TSHZ2: variants seen among roughly 807,000 people sequenced by gnomAD.
TSHZ2 encodes the protein teashirt homolog 2.
In TSHZ2, 21 loss-of-function variants were observed where a neutral mutation model predicts 74.4. That is an observed-to-expected ratio of 0.28 (90% CI 0.20 to 0.41). TSHZ2 has a LOEUF of 0.41. Ranked by LOEUF, TSHZ2 falls within the 10% of genes least tolerant of loss-of-function variation. The pLI is 1.00. For missense variants in TSHZ2, 1,244 were observed against 1,293.5 expected, an observed-to-expected ratio of 0.96 and a Z score of 0.59; for synonymous variants, 540 against 515.3, an observed-to-expected ratio of 1.05 and a Z score of -0.65.
At position 53,255,804 on chromosome 20, in the gene TSHZ2, T is replaced by C. The variant is rs1409015191; in HGVS notation, c.2346T>C (p.Ser782=). ...SKKAESSQAQ[S]CMSPPQKHAL... is the part of the protein sequence containing the mutation. ...AAGCCGAGTCCTCGCAAGCACAATC[T>C]TGTATGTCCCCACCTCAGAAGCACG... The change falls in exon 2 of 3, where the codon TCT becomes TCC. Residue 782 remains serine, a synonymous_variant. Coordinates refer to ENST00000371497, the MANE Select transcript of TSHZ2 (RefSeq NM_173485.6). This position sits in a 1 kb window ranked among gnomAD's most constrained non-coding sequence, Gnocchi z 4.1. 1 of 1,613,782 alleles carries C rather than the reference T, an allele frequency of 6.2e-7. No individual in the cohort carries two copies. Among genetic ancestry groups the C allele is most frequent in the Non-Finnish European group, 8.5e-7 (1 of 1,179,892 alleles).
chr20:53,333,428 C>T (rs1417345287), intron 2 of TSHZ2, among the ~76,000 whole-genome samples: 1 of 151,668 alleles, frequency 6.6e-6, no homozygotes, highest in Non-Finnish European at 1.5e-5. Context: ...GCCCAGAGCA[C>T]TCCTCCAGAT....
intron 1 of TSHZ2, among the ~76,000 whole-genome samples, chr20:53,061,267 A>C (rs755150852): frequency 1.3e-5 from 2 of 152,108 alleles, no homozygotes; most frequent in African/African-American, 2.4e-5. Flanking sequence ...GAATTCTACC[A>C]CCTCTTTCAA....
rs1981774225 is a variant in TSHZ2, at chr20:52,986,627, G to A, written c.40+13294G>A. On this transcript the variant is annotated intron_variant, in intron 1 of 2. Coordinates refer to ENST00000371497, the MANE Select transcript of TSHZ2 (RefSeq NM_173485.6). Reference sequence around the variant, plus strand: ...TTCTGTAATCCCAGCTACTCCGGAAGCTGAGCCAGGAGAATCGCTTGAACC... The same window carrying A: ...TTCTGTAATCCCAGCTACTCCGGAAACTGAGCCAGGAGAATCGCTTGAACC... 5.9e-5 allele frequency among the ~76,000 whole-genome samples: 9 copies of A among 151,712 alleles called. No homozygotes were observed. In the South Asian group the frequency reaches 1.9e-3, roughly 32 times the overall value.
At chr20:53,117,004 G>T (rs544832285) in intron 1 of TSHZ2, among the ~76,000 whole-genome samples, 1 of 152,080 alleles carries the variant, frequency 6.6e-6, no homozygotes, top group African/African-American at 2.4e-5. Flanking sequence ...TGAGAGTAGG[G>T]TGGAGGATGG....
chr20:53,014,241 C>T (rs6013601), intron 1 of TSHZ2, among the ~76,000 whole-genome samples: 10,160 of 151,930 alleles, frequency 0.067, 348 homozygotes, highest in East Asian at 0.087. Context: ...AGTGCACATC[C>T]TCATGTCTCT....
chr20:53,352,792 A>G (rs868813593), intron 2 of TSHZ2, among the ~76,000 whole-genome samples: 16 of 45,570 alleles, frequency 3.5e-4, no homozygotes, highest in Admixed American at 1.7e-3. Context: ...AAAAAAAAAA[A>G]AAGAAAGAAA....
intron 2 of TSHZ2, among the ~76,000 whole-genome samples, chr20:53,401,832 G>C (rs540255): frequency 0.62 from 88,850 of 144,288 alleles, 31,551 homozygotes; most frequent in South Asian, 0.79. Flanking sequence ...GCCGAGGCTG[G>C]AGTGCAGTGG....
At chr20:53,149,070 T>C (rs1181033616) in intron 1 of TSHZ2, among the ~76,000 whole-genome samples, 3 of 152,248 alleles carry the variant, frequency 2.0e-5, no homozygotes, top group East Asian at 3.8e-4. Flanking sequence ...TTTGATCTTA[T>C]ACATTCTTCC....
At chr20:53,460,770 A>G (rs890836104) in intron 2 of TSHZ2, among the ~76,000 whole-genome samples, 2 of 152,214 alleles carry the variant, frequency 1.3e-5, no homozygotes, top group African/African-American at 4.8e-5. Context: ...TCTAACAGAC[A>G]GGACCCTCAG....
intron 2 of TSHZ2, among the ~76,000 whole-genome samples, chr20:53,433,121 C>A (rs1983904258): frequency 6.6e-6 from 1 of 152,222 alleles, no homozygotes; most frequent in African/African-American, 2.4e-5. Context: ...TCTACATGAA[C>A]CTCCTCAGCC....
At chr20:53,086,207 T>C (rs926811) in intron 1 of TSHZ2, among the ~76,000 whole-genome samples, 126,316 of 152,154 alleles carry the variant, frequency 0.83, 53,066 homozygotes, top group Admixed American at 0.89. Context: ...CAAAAATGTC[T>C]AAGGAGGGCG....
chr20:53,121,527 C>T (rs983079568), intron 1 of TSHZ2, among the ~76,000 whole-genome samples: 1 of 152,128 alleles, frequency 6.6e-6, no homozygotes, highest in African/African-American at 2.4e-5. Context: ...AAACTGAAGA[C>T]TCATAGCCTC....
chr20:53,129,191 ATTATT>A (rs888913316), intron 1 of TSHZ2, among the ~76,000 whole-genome samples: 9 of 152,344 alleles, frequency 5.9e-5, no homozygotes, highest in Admixed American at 2.6e-4. Flanking sequence ...AAAAACTTTT[ATTATT>A]TTAGGGCAAT....
At chr20:53,230,942 A>G (rs1989811899) in intron 1 of TSHZ2, among the ~76,000 whole-genome samples, 1 of 152,188 alleles carries the variant, frequency 6.6e-6, no homozygotes, top group Admixed American at 6.5e-5. Context: ...CCTGAAGATT[A>G]AAATTAAATT....
intron 1 of TSHZ2, among the ~76,000 whole-genome samples, chr20:53,145,422 C>A (rs902203758): frequency 6.6e-6 from 1 of 152,116 alleles, no homozygotes; most frequent in Non-Finnish European, 1.5e-5. Flanking sequence ...GAGAATGACA[C>A]CTTGTATCAA....
chr20:53,329,517 C>T (rs1413156519), intron 2 of TSHZ2, among the ~76,000 whole-genome samples: 1 of 152,142 alleles, frequency 6.6e-6, no homozygotes, highest in Non-Finnish European at 1.5e-5. Flanking sequence ...ATATCAATAT[C>T]AGTCTGATGA....
intron 2 of TSHZ2, among the ~76,000 whole-genome samples, chr20:53,425,631 A>G (rs1983628794): frequency 6.6e-6 from 1 of 152,222 alleles, no homozygotes; most frequent in Non-Finnish European, 1.5e-5. Flanking sequence ...TAAACATTTC[A>G]GGTCTTGCAG....
intron 2 of TSHZ2, among the ~76,000 whole-genome samples, chr20:53,295,725 C>A (rs59887593): frequency 0.045 from 6,826 of 152,194 alleles, 489 homozygotes; most frequent in African/African-American, 0.16. Context: ...GATCCTGATG[C>A]TTGCCTAAGT....
chr20:53,071,795 C>T (rs1044081891), intron 1 of TSHZ2, among the ~76,000 whole-genome samples: 3 of 152,158 alleles, frequency 2.0e-5, no homozygotes, highest in African/African-American at 7.2e-5. Context: ...CCCCTGAATA[C>T]CCCTGGAGAG....
Sources: allele counts gnomAD v4.1 joint callset (sites outside exome capture counted in the v4.1 genomes callset), GRCh38; gene constraint gnomAD v4.1.1; non-coding constraint Gnocchi (gnomAD v3.1); transcripts MANE v1.5; gene names NCBI Gene and HGNC (gene_info 2026-07-23, HGNC 2026-07-21).